FMN2: variants seen among roughly 807,000 people sequenced by gnomAD.
The protein encoded by FMN2 is formin 2.
FMN2 carries 51 observed loss-of-function variants against 142.3 expected under a neutral mutation model. That is an observed-to-expected ratio of 0.36 (90% confidence interval 0.29 to 0.45). The LOEUF (loss-of-function observed/expected upper bound fraction) is 0.45, where lower values mean the gene tolerates loss of function less well. FMN2 is among the 20% of genes least tolerant of loss of function. The probability of loss-of-function intolerance (pLI) is 1.00; values close to 1 mark genes in which losing one functional copy is unlikely to be tolerated. For synonymous variants in FMN2, 882 were observed against 869.8 expected (o/e 1.01, Z -0.25); for missense variants, 1,936 against 2,122.8 (o/e 0.91, Z 1.73).
chr1:240,415,900 A>G (rs923925776), intron 15 of FMN2, among the ~76,000 whole-genome samples: 7 of 152,184 alleles, frequency 4.6e-5, no homozygotes, highest in African/African-American at 1.7e-4. Context: ...TTCGTTTTGG[A>G]AGATACCTTT....
chr1:240,144,278 G>GAGTCC, intron 2 of FMN2: 1 of 1,604,324 alleles, frequency 6.2e-7, no homozygotes, highest in South Asian at 1.1e-5. Context: ...CATGCGGGCA[G>GAGTCC]AGTCCACCTG....
chr1:240,097,570 T>C (rs1261380365), intron 1 of FMN2, among the ~76,000 whole-genome samples: 1 of 152,148 alleles, frequency 6.6e-6, no homozygotes, highest in African/African-American at 2.4e-5. Flanking sequence ...TTAGCCAGGA[T>C]GGTCTTGATC....
rs1471502647 is a variant in FMN2 at position 240,349,963 on chromosome 1, T to TA, written c.4766-5853_4766-5852insA. Among the ~76,000 whole-genome samples the TA allele has an allele frequency of 2.0e-5, 3 of 148,164 alleles. No individual in the cohort carries two copies. The South Asian group carries it at 6.3e-4, about 31-fold the overall frequency. Reference sequence around the variant, plus strand: ...GATTGTAGTGTTCGGTATTTTTTTTTTTTATTTACATAGTCACATACCAAT... The same window carrying TA: ...GATTGTAGTGTTCGGTATTTTTTTTTATTTATTTACATAGTCACATACCAAT... On this transcript the variant is annotated intron_variant, in intron 13 of 17. Transcript: ENST00000319653.
intron 7 of FMN2, among the ~76,000 whole-genome samples, chr1:240,289,947 T>C (rs1669719628): frequency 6.6e-6 from 1 of 152,086 alleles, no homozygotes; most frequent in African/African-American, 2.4e-5. Flanking sequence ...AATTCAACAT[T>C]TGTAGTAAGT....
At chr1:240,364,716 G>A (rs944457777) in intron 14 of FMN2, among the ~76,000 whole-genome samples, 1 of 152,106 alleles carries the variant, frequency 6.6e-6, no homozygotes, top group African/African-American at 2.4e-5. Context: ...CATATTTCCA[G>A]TCGGATGCTC....
At chr1:240,226,493 A>T (rs2103432667) in intron 6 of FMN2, among the ~76,000 whole-genome samples, 1 of 151,528 alleles carries the variant, frequency 6.6e-6, no homozygotes, top group Non-Finnish European at 1.5e-5. Context: ...AAACTGAGAG[A>T]ATTTGTTGCT....
intron 15 of FMN2, among the ~76,000 whole-genome samples, chr1:240,427,793 A>C (rs1469630036): frequency 6.6e-6 from 1 of 152,182 alleles, no homozygotes; most frequent in African/African-American, 2.4e-5. Flanking sequence ...TCAGGTTTGA[A>C]TATTTTGGCA....
intron 13 of FMN2, among the ~76,000 whole-genome samples, chr1:240,340,089 T>G (rs983284026): frequency 2.0e-5 from 3 of 152,206 alleles, no homozygotes; most frequent in African/African-American, 7.2e-5. Context: ...ACAATTGAAC[T>G]CCTTCTACTT....
At chr1:240,322,121 A>G (rs550734329) in intron 8 of FMN2, among the ~76,000 whole-genome samples, 1 of 152,330 alleles carries the variant, frequency 6.6e-6, no homozygotes, top group African/African-American at 2.4e-5. Context: ...TAAAGCTAAT[A>G]TAAAAATTTT....
intron 14 of FMN2, among the ~76,000 whole-genome samples, chr1:240,376,529 C>A (rs1215011777): frequency 2.0e-5 from 3 of 151,994 alleles, no homozygotes; most frequent in Non-Finnish European, 2.9e-5. Flanking sequence ...AAGGGATGTT[C>A]GTACCTATAG....
intron 15 of FMN2, among the ~76,000 whole-genome samples, chr1:240,422,454 A>C (rs1156873118): frequency 6.6e-6 from 1 of 152,176 alleles, no homozygotes; most frequent in Non-Finnish European, 1.5e-5. Context: ...TTCCTCATAT[A>C]GATCTTGTAC....
At position 240,353,687 on chromosome 1, in the gene FMN2, TGTAAA is replaced by T. The variant is rs200572819; in HGVS notation, c.4766-2124_4766-2120del. ...CTCTTTGTAGTTCATTTTTCGCTGA[TGTAAA>T]GTAAGCATATTAATCATCTACTTCA... On this transcript the variant is annotated intron_variant, in intron 13 of 17. Transcript: ENST00000319653. 2.8e-3 allele frequency among the ~76,000 whole-genome samples: 422 copies of T among 152,302 alleles called. 2 individuals carry two copies. The highest frequency in any genetic ancestry group is 9.6e-3 in the African/African-American group (398 of 41,586).
Position 240,335,361 on chromosome 1 carries a change from TAATA to T in FMN2, c.4765+1139_4765+1142del, listed in dbSNP as rs146104360. 4.4e-3 allele frequency among the ~76,000 whole-genome samples: 666 copies of T among 152,290 alleles called. 4 individuals are homozygous for T. The highest frequency in any genetic ancestry group is 0.015 in the African/African-American group (622 of 41,556). ...ACTTGCTCTGTTTTTCATACAATAA[TAATA>T]AATAAAACTATGTTACATTTGTATA... On this transcript the variant is annotated intron_variant, in intron 13 of 17. Coordinates refer to ENST00000319653, the MANE Select transcript of FMN2 (RefSeq NM_020066.5).
intron 2 of FMN2, among the ~76,000 whole-genome samples, chr1:240,137,069 C>CAAAAAAAAAAAAAAAAAA (rs563163509): frequency 1.3e-5 from 1 of 76,198 alleles, no homozygotes; most frequent in Non-Finnish European, 2.5e-5. Flanking sequence ...AACTCCGTCT[C>CAAAAAAAAAAAAAAAAAA]AAAAAAAAAA....
chr1:240,254,701 G>C (rs1466412215), intron 6 of FMN2, among the ~76,000 whole-genome samples: 24 of 152,220 alleles, frequency 1.6e-4, no homozygotes, highest in Admixed American at 1.2e-3. Context: ...TATGGCGGCT[G>C]CAAGAGGGGT....
intron 13 of FMN2, among the ~76,000 whole-genome samples, chr1:240,335,690 A>C (rs1053009853): frequency 7.9e-5 from 12 of 152,320 alleles, no homozygotes; most frequent in African/African-American, 2.9e-4. Context: ...TGCTTTCTGG[A>C]GTTGCATCAC....
At chr1:240,365,074 A>G (rs1463866983) in intron 14 of FMN2, among the ~76,000 whole-genome samples, 1 of 152,138 alleles carries the variant, frequency 6.6e-6, no homozygotes, top group Non-Finnish European at 1.5e-5. Flanking sequence ...ACTTTAACCA[A>G]TGTTGTATTT....
intron 13 of FMN2, among the ~76,000 whole-genome samples, chr1:240,337,622 C>G (rs1671609194): frequency 1.3e-5 from 2 of 152,120 alleles, no homozygotes; most frequent in African/African-American, 2.4e-5. Flanking sequence ...AAATCTTGGC[C>G]ATTCATAATA....
chr1:240,357,187 T>C (rs1437348910), intron 14 of FMN2, among the ~76,000 whole-genome samples: 1 of 152,206 alleles, frequency 6.6e-6, no homozygotes, highest in Non-Finnish European at 1.5e-5. Context: ...ATATTCATTT[T>C]TGTCTTATAA....
Sources: gnomAD v4.1 joint callset for allele counts (sites outside exome capture counted in the v4.1 genomes callset) on GRCh38, gnomAD v4.1.1 for gene constraint, MANE v1.5 for transcripts, NCBI Gene and HGNC (gene_info 2026-07-23, HGNC 2026-07-21) for gene names.